Variants in HOXC6 observed in about 807,000 individuals in gnomAD.
The protein encoded by HOXC6 is homeobox protein Hox-C6.
A neutral mutation model predicts 24.0 loss-of-function variants in HOXC6; 10 were observed. The ratio of observed to expected loss-of-function variants is 0.42; its 90% CI spans 0.26 to 0.71. HOXC6 has a LOEUF of 0.71. Among genes scored for constraint, HOXC6 ranks in the 30% least tolerant of loss-of-function variants. The pLI is 0.28. For missense variants in HOXC6, 258 were observed against 303.4 expected (o/e 0.85, Z 1.11); for synonymous variants, 123 against 128.1 (o/e 0.96, Z 0.27).
chr12:54,019,831 A>AT (rs964451542), intron 1 of HOXC6: 30 of 151,816 alleles, frequency 2.0e-4, no homozygotes, highest in African/African-American at 7.0e-4. Flanking sequence ...ATTTTAATTG[A>AT]TTTTCTGTCC....
chr12:54,022,991 A>T (rs537138963), intron 1 of HOXC6, among the ~76,000 whole-genome samples: 1 of 152,226 alleles, frequency 6.6e-6, no homozygotes, highest in South Asian at 2.1e-4. Flanking sequence ...GGCTGAAAAT[A>T]TTCTGGATAT....
At chr12:54,022,012 G>A (rs1940470639) in intron 1 of HOXC6, 1 of 152,248 alleles carries the variant, frequency 6.6e-6, no homozygotes, top group Non-Finnish European at 1.5e-5. Context: ...TATAGGGTCA[G>A]GGGAATTATG....
chr12:54,026,607 T>G (rs528018600), upstream of HOXC6, among the ~76,000 whole-genome samples: 1 of 152,192 alleles, frequency 6.6e-6, no homozygotes, highest in African/African-American at 2.4e-5. Context: ...TTTCTGTCCT[T>G]TCTGGAGGAT....
In HOXC6 at chr12:54,030,224, A is replaced by C; in HGVS notation, c.*262A>C. ...TGTCTACAGGCCCTTTTCCCCGTCC[A>C]GGCCTTGGGGGCTCGGACCCTGAAC... On this transcript the variant is annotated 3_prime_UTR_variant, in exon 2 of 2. Transcript: ENST00000243108. 2.8e-6 allele frequency: 1 copy of C among 355,862 alleles called. No individual in the cohort carries two copies. The highest frequency in any genetic ancestry group is 5.1e-6 in the Non-Finnish European group (1 of 195,148). The allele number at this position is 355,862 out of a possible 1,614,324, so 22.0% of individuals were successfully genotyped here. A position where few individuals can be genotyped will look rare whatever the true frequency, so the allele number is the denominator to read the frequency against.
upstream of HOXC6, among the ~76,000 whole-genome samples, chr12:54,025,527 TG>T (rs999135770): frequency 2.3e-3 from 29 of 12,690 alleles, 1 homozygote; most frequent in South Asian, 0.016. Context: ...GAAAGGTAAT[TG>T]GGGGGGGGGG....
upstream of HOXC6, among the ~76,000 whole-genome samples, chr12:54,026,362 A>T (rs1480387536): frequency 6.6e-6 from 1 of 152,214 alleles, no homozygotes; most frequent in Non-Finnish European, 1.5e-5. Flanking sequence ...GCATGCCATG[A>T]ATTCGAGGAC....
chr12:54,023,629 C>A (rs1373229705), upstream of HOXC6, among the ~76,000 whole-genome samples: 1 of 152,200 alleles, frequency 6.6e-6, no homozygotes, highest in Non-Finnish European at 1.5e-5. Context: ...CCCCTCCCTG[C>A]TGATCCCCAG....
chr12:54,030,415 A>G lies in HOXC6; in HGVS notation c.*453A>G, dbSNP rs1940941593. The G allele has an allele frequency of 6.5e-6, 1 of 152,810 alleles. No individual in the cohort carries two copies. The highest frequency in any genetic ancestry group is 1.5e-5 in the Non-Finnish European group (1 of 68,690). 9.5% of individuals were successfully genotyped at this position (152,810 alleles called of 1,614,324 possible). A position where few individuals can be genotyped will look rare whatever the true frequency, so the allele number is the denominator to read the frequency against. On this transcript the variant is annotated 3_prime_UTR_variant, in exon 2 of 2. Coordinates refer to ENST00000243108, the MANE Select transcript of HOXC6 (RefSeq NM_004503.4). ...GCCGGGGAGGGCCGGAGGCCCAAGG[A>G]GGGCGCGCCTTGGCCCCACACCAAC... is the stretch of plus-strand genomic sequence containing the variant.
At position 54,030,721 on chromosome 12, in the gene HOXC6, T is replaced by C. The variant is rs961217135; in HGVS notation, c.*759T>C. The C allele has an allele frequency of 1.3e-5, 2 of 152,312 alleles. No individual in the cohort carries two copies. The highest frequency in any genetic ancestry group is 4.8e-5 in the African/African-American group (2 of 41,384). The allele number at this position is 152,312 out of a possible 1,614,324, so 9.4% of individuals were successfully genotyped here. A position where few individuals can be genotyped will look rare whatever the true frequency, so the allele number is the denominator to read the frequency against. On this transcript the variant is annotated 3_prime_UTR_variant, in exon 2 of 2. Transcript: ENST00000243108. ...CGTTTGTTTAGCCAGTAGGAGAAAA[T>C]AAATAAATAAATAAATCCCTTCGTG...
chr12:54,022,602 G>T (rs1419673709), intron 1 of HOXC6: 1 of 152,006 alleles, frequency 6.6e-6, no homozygotes, highest in Non-Finnish European at 1.5e-5. Context: ...GGGAAATGAG[G>T]ATGCTGTTTT....
In HOXC6 at chr12:54,028,503, A is replaced by C; in HGVS notation, c.-19A>C. On this transcript the variant is annotated 5_prime_UTR_variant, in exon 1 of 2. Coordinates refer to ENST00000243108, the MANE Select transcript of HOXC6 (RefSeq NM_004503.4). Reference sequence around the variant, plus strand: ...TAAATATTAAAGAAATCATAGACCGACCAGGTAAAGGCAAAGGGATGAATT... The same window carrying C: ...TAAATATTAAAGAAATCATAGACCGCCCAGGTAAAGGCAAAGGGATGAATT... 1 of 1,609,314 alleles carries C rather than the reference A, an allele frequency of 6.2e-7. No individual in the cohort carries two copies. The highest frequency in any genetic ancestry group is 1.1e-5 in the South Asian group (1 of 90,584).
At chr12:54,027,392 G>C (rs1707518142), upstream of HOXC6, among the ~76,000 whole-genome samples, 1 of 152,212 alleles carries the variant, frequency 6.6e-6, no homozygotes, top group Non-Finnish European at 1.5e-5. Context: ...GCAGGGGCTT[G>C]AGCCTGCAGG....
upstream of HOXC6, among the ~76,000 whole-genome samples, chr12:54,025,951 G>C (rs947259279): frequency 6.6e-6 from 1 of 151,590 alleles, no homozygotes; most frequent in African/African-American, 2.4e-5. Flanking sequence ...CCCCCACCCA[G>C]ACATAAAAGA....
At position 54,028,751 on chromosome 12, in the gene HOXC6, T is replaced by C. The variant is rs775380956; in HGVS notation, c.230T>C (p.Phe77Ser). Residue 77 changes from phenylalanine (F) to serine (S), a missense_variant, in exon 1 of 2, where the codon TTT (phenylalanine) becomes TCT (serine). By Grantham distance (155) the Phe-to-Ser change is radical. Transcript: ENST00000243108. ...RGPYDYGSNS[F>S]YQEKDMLSNC... ...CCGTATGACTATGGATCTAATTCCT[T>C]TTACCAGGAGAAAGACATGCTCTCA... 1.9e-6 allele frequency: 3 copies of C among 1,614,058 alleles called. No homozygotes were observed. Among genetic ancestry groups the C allele is most frequent in the South Asian group, 2.2e-5 (2 of 91,076 alleles).
Position 54,028,453 on chromosome 12 carries a change from T to C in HOXC6, c.-69T>C. 6.6e-7 allele frequency: 1 copy of C among 1,524,484 alleles called. No homozygotes were observed. The highest frequency in any genetic ancestry group is 1.3e-5 in the South Asian group (1 of 79,250). The allele number at this position is 1,524,484 out of a possible 1,614,324, so 94.4% of individuals were successfully genotyped here. Reference sequence around the variant, plus strand: ...GGAGCCGTCCCTATAACCATCTAGTTCCGAGTACAAACTGGAGACAGAAAT... The same window carrying C: ...GGAGCCGTCCCTATAACCATCTAGTCCCGAGTACAAACTGGAGACAGAAAT... On this transcript the variant is annotated 5_prime_UTR_variant, in exon 1 of 2. Coordinates refer to ENST00000243108, the MANE Select transcript of HOXC6 (RefSeq NM_004503.4).
At chr12:54,018,348 G>T (rs943542149) in intron 1 of HOXC6, among the ~76,000 whole-genome samples, 10 of 152,220 alleles carry the variant, frequency 6.6e-5, no homozygotes, top group South Asian at 6.2e-4. Context: ...CCTCGCCTCG[G>T]GGGGAGGTGG....
chr12:54,029,983 C>A lies in HOXC6; in HGVS notation c.*21C>A. The A allele has an allele frequency of 6.6e-7, 1 of 1,505,288 alleles. No homozygotes were observed. Among genetic ancestry groups the A allele is most frequent in the South Asian group, 1.3e-5 (1 of 76,308 alleles). The allele number at this position is 1,505,288 out of a possible 1,614,324, so 93.2% of individuals were successfully genotyped here. A position where few individuals can be genotyped will look rare whatever the true frequency, so the allele number is the denominator to read the frequency against. On this transcript the variant is annotated 3_prime_UTR_variant, in exon 2 of 2. Coordinates refer to ENST00000243108, the MANE Select transcript of HOXC6 (RefSeq NM_004503.4). Reference sequence around the variant, plus strand: ...AGTGACCAGGACTGTCCCTGCCACCCCTCTCTCCCTTTCTCCCTCGCTCCC... The same window carrying A: ...AGTGACCAGGACTGTCCCTGCCACCACTCTCTCCCTTTCTCCCTCGCTCCC...
intron 1 of HOXC6, among the ~76,000 whole-genome samples, chr12:54,018,306 C>T (rs1037050862): frequency 6.6e-6 from 1 of 152,192 alleles, no homozygotes; most frequent in Non-Finnish European, 1.5e-5. Context: ...GATGCCCGCT[C>T]GCCACGCATG....
At chr12:54,027,803 T>A (rs1940790162), upstream of HOXC6, among the ~76,000 whole-genome samples, 1 of 152,236 alleles carries the variant, frequency 6.6e-6, no homozygotes, top group African/African-American at 2.4e-5. Flanking sequence ...CTTGCCCCTT[T>A]AGACCTAGTT....
Sources: gnomAD v4.1 joint callset for allele counts (sites outside exome capture counted in the v4.1 genomes callset) on GRCh38, gnomAD v4.1.1 for gene constraint, MANE v1.5 for transcripts, NCBI Gene and HGNC (gene_info 2026-07-23, HGNC 2026-07-21) for gene names.